The following ANKRD11 variants were observed in gnomAD, a reference collection of about 807,000 sequenced individuals.
The protein encoded by ANKRD11 is ankyrin repeat domain-containing protein 11.
Under a neutral mutation model 195.7 loss-of-function variants are expected in ANKRD11, and 17 were observed. That is an observed-to-expected ratio of 0.09 (90% CI 0.06 to 0.13). The LOEUF (loss-of-function observed/expected upper bound fraction) is 0.13, where lower values mean the gene tolerates loss of function less well. Ranked by LOEUF, ANKRD11 falls within the 10% of genes least tolerant of loss-of-function variation. The pLI, the probability that ANKRD11 is intolerant of heterozygous loss-of-function variation, is 1.00. For synonymous variants in ANKRD11, 1,953 were observed against 1,528.1 expected, an observed-to-expected ratio of 1.28 and a Z score of -6.49; for missense variants, 3,735 against 3,566.1, an observed-to-expected ratio of 1.05 and a Z score of -1.21.
intron 1 of ANKRD11, among the ~76,000 whole-genome samples, chr16:89,474,664 G>T (rs1450197967): frequency 6.6e-6 from 1 of 151,916 alleles, no homozygotes; most frequent in South Asian, 2.1e-4. Context: ...CTGAGACCAA[G>T]GCAGCCTCCC....
rs752658811 is a variant in ANKRD11, at chr16:89,280,013, C to T, written c.6529G>A (p.Gly2177Arg). 5.0e-6 allele frequency: 8 copies of T among 1,612,622 alleles called. No individual in the cohort carries two copies. The East Asian group carries it at 1.1e-4, about 22-fold the overall frequency. The change falls in exon 9 of 13, where the codon GGG becomes AGG. Residue 2177 changes from glycine to arginine, a missense_variant. By Grantham distance (125) the Gly-to-Arg change is moderately radical. Transcript: ENST00000301030. ...PPGAPGVING[G>R]DVSTVVAEEP... ...TCAGCCACTACGGTGGAAACATCCCCACCGTTTATGACCCCGGGGGCCCCT... is the reference window on the plus strand; with the variant it reads ...TCAGCCACTACGGTGGAAACATCCCTACCGTTTATGACCCCGGGGGCCCCT...
intron 9 of ANKRD11, 198 bp downstream of exon 9, chr16:89,278,863 AGGAAGGACCTC>A (rs1304942274): frequency 1.2e-6 from 1 of 826,696 alleles, no homozygotes; most frequent in East Asian, 2.7e-5. Flanking sequence ...GACCAGCTGG[AGGAAGGACCTC>A]GGGTCTGCAG....
chr16:89,361,359 C>G (rs886360147), intron 2 of ANKRD11: 1 of 152,882 alleles, frequency 6.5e-6, no homozygotes, highest in Non-Finnish European at 1.5e-5. Flanking sequence ...CACATTCCAG[C>G]TGTGCACTTC....
At chr16:89,467,257 C>T (rs1424288465) in intron 1 of ANKRD11, among the ~76,000 whole-genome samples, 1 of 89,096 alleles carries the variant, frequency 1.1e-5, no homozygotes. Flanking sequence ...CATGGCTAAA[C>T]CCCATCTCTA....
intron 9 of ANKRD11, among the ~76,000 whole-genome samples, chr16:89,276,249 G>A (rs995711089): frequency 3.9e-5 from 6 of 152,214 alleles, no homozygotes; most frequent in East Asian, 3.8e-4. Flanking sequence ...GGTGGCTCCT[G>A]ACAGCACAGC....
intron 2 of ANKRD11, among the ~76,000 whole-genome samples, chr16:89,369,556 C>T (rs919471710): frequency 2.6e-5 from 4 of 152,182 alleles, no homozygotes; most frequent in Non-Finnish European, 4.4e-5. Context: ...GCAGATAAAT[C>T]CACAGACAGA....
chr16:89,282,939 G>T lies in ANKRD11; in HGVS notation c.3603C>A (p.Val1201=), dbSNP rs2151754227. 6.2e-7 allele frequency: 1 copy of T among 1,613,036 alleles called. No individual in the cohort carries two copies. The highest frequency in any genetic ancestry group is 2.2e-5 in the East Asian group (1 of 44,824). Residue 1201 remains valine, a synonymous_variant, in exon 9 of 13, where the codon GTC becomes GTA. Coordinates refer to ENST00000301030, the MANE Select transcript of ANKRD11 (RefSeq NM_013275.6). ...ADAGRDKKEK[V]FEKHKEKKDK... ...CCTTCTTCTCCTTGTGCTTTTCAAAGACTTTCTCTTTTTTGTCTCTCCCCG... is the reference window on the plus strand; with the variant it reads ...CCTTCTTCTCCTTGTGCTTTTCAAATACTTTCTCTTTTTTGTCTCTCCCCG...
chr16:89,389,581 G>A (rs1365554352), intron 2 of ANKRD11, among the ~76,000 whole-genome samples: 3 of 152,150 alleles, frequency 2.0e-5, no homozygotes, highest in African/African-American at 2.4e-5. Flanking sequence ...TGAAGATGAC[G>A]CTGTGTGAGA....
intron 2 of ANKRD11, among the ~76,000 whole-genome samples, chr16:89,369,747 G>A (rs2040112960): frequency 6.6e-6 from 1 of 152,168 alleles, no homozygotes; most frequent in Admixed American, 6.5e-5. Context: ...TCCAAGTAAG[G>A]GTGAAACAGC....
rs2034316792 is a variant in ANKRD11, at chr16:89,282,242, C to G, written c.4300G>C (p.Glu1434Gln). The G allele has an allele frequency of 6.2e-7, 1 of 1,613,872 alleles. No homozygotes were observed. Among genetic ancestry groups the G allele is most frequent in the African/African-American group, 1.3e-5 (1 of 74,842 alleles). ...TCTATTTTCTTGGAAGGTTCTCTCT[C>G]GGAATCATTTTTATCTTTCTTTTCG... is the stretch of plus-strand genomic sequence containing the variant. ...STEKKDKNDS[E>Q]REPSKKIEKE... The change falls in exon 9 of 13, where the codon GAG (glutamate) becomes CAG (glutamine). Residue 1434 changes from glutamate (E) to glutamine (Q), a missense_variant. Transcript: ENST00000301030.
intron 11 of ANKRD11, among the ~76,000 whole-genome samples, chr16:89,274,102 T>G (rs1459287001): frequency 6.6e-6 from 1 of 151,958 alleles, no homozygotes; most frequent in African/African-American, 2.4e-5. Context: ...GGCTGGAGGA[T>G]GATTTCTGAG....
At chr16:89,316,080 A>C (rs1278536535) in intron 3 of ANKRD11, among the ~76,000 whole-genome samples, 1 of 151,954 alleles carries the variant, frequency 6.6e-6, no homozygotes, top group Non-Finnish European at 1.5e-5. Flanking sequence ...AGTTAGGAGG[A>C]GCAAGGAGGC....
chr16:89,414,140 C>T (rs1483218024), intron 2 of ANKRD11, among the ~76,000 whole-genome samples: 2 of 152,182 alleles, frequency 1.3e-5, no homozygotes, highest in Admixed American at 6.5e-5. Flanking sequence ...CTTACAAGTT[C>T]AACATTTCAG....
chr16:89,437,669 C>G (rs1333257121), intron 1 of ANKRD11, among the ~76,000 whole-genome samples: 5 of 152,286 alleles, frequency 3.3e-5, no homozygotes, highest in African/African-American at 1.2e-4. Flanking sequence ...TCCCTCAGAC[C>G]AGCTCTCTCC....
At chr16:89,403,948 C>G (rs988099911) in intron 2 of ANKRD11, among the ~76,000 whole-genome samples, 1 of 152,098 alleles carries the variant, frequency 6.6e-6, no homozygotes, top group African/African-American at 2.4e-5. Flanking sequence ...AACAACACAT[C>G]TTTATATTAT....
chr16:89,298,534 C>A (rs983347305), intron 4 of ANKRD11, among the ~76,000 whole-genome samples: 2 of 152,212 alleles, frequency 1.3e-5, no homozygotes, highest in African/African-American at 2.4e-5. Flanking sequence ...AGCAGACGGC[C>A]CCTGCCCGCC....
chr16:89,368,134 T>C (rs1056317746), intron 2 of ANKRD11, among the ~76,000 whole-genome samples: 1 of 152,146 alleles, frequency 6.6e-6, no homozygotes, highest in African/African-American at 2.4e-5. Flanking sequence ...GTTTAAAAAA[T>C]AAGTCCTACA....
intron 1 of ANKRD11, among the ~76,000 whole-genome samples, chr16:89,453,621 T>C (rs368881551): frequency 2.0e-5 from 3 of 152,256 alleles, no homozygotes; most frequent in East Asian, 3.9e-4. Flanking sequence ...ACAGATGTTA[T>C]TTAAATAAAA....
In ANKRD11 at chr16:89,290,676, T is replaced by C; in HGVS notation, c.550A>G (p.Ile184Val). The C allele has an allele frequency of 6.2e-7, 1 of 1,613,982 alleles. No individual in the cohort carries two copies. The highest frequency in any genetic ancestry group is 8.5e-7 in the Non-Finnish European group (1 of 1,180,010). Residue 184 changes from isoleucine to valine, a missense_variant, in exon 6 of 13, where the codon ATC becomes GTC. Physicochemically the swap from Ile to Val is conservative, Grantham distance 29. Transcript: ENST00000301030. ...RAAIRGDARR[I>V]KELISEGADV... ...GCCCCCTCGCTGATGAGCTCTTTGATGCGCCGGGCGTCCCCGCGGATGGCG... is the reference window on the plus strand; with the variant it reads ...GCCCCCTCGCTGATGAGCTCTTTGACGCGCCGGGCGTCCCCGCGGATGGCG...
Sources: allele counts gnomAD v4.1 joint callset (sites outside exome capture counted in the v4.1 genomes callset), GRCh38; gene constraint gnomAD v4.1.1; transcripts MANE v1.5; gene names NCBI Gene and HGNC (gene_info 2026-07-23, HGNC 2026-07-21).